Variants in MMP16 observed in about 807,000 individuals in gnomAD.
MMP16 encodes matrix metallopeptidase 16, also known as matrix metalloproteinase-16.
Under a neutral mutation model 67.8 loss-of-function variants are expected in MMP16, and 12 were observed. That is an observed-to-expected ratio of 0.18 (90% CI 0.11 to 0.29). The LOEUF (loss-of-function observed/expected upper bound fraction) is 0.29. MMP16 is among the 10% of genes least tolerant of loss of function. The probability of loss-of-function intolerance (pLI) is 1.00; values close to 1 mark genes in which losing one functional copy is unlikely to be tolerated. For missense variants in MMP16, 475 were observed against 765.7 expected (o/e 0.62, Z 4.48); for synonymous variants, 249 against 255.9 (o/e 0.97, Z 0.26).
At chr8:88,309,590 C>T (rs78895855) in intron 1 of MMP16, among the ~76,000 whole-genome samples, 2,722 of 152,058 alleles carry the variant, frequency 0.018, 83 homozygotes, top group African/African-American at 0.062. Context: ...TTTCGTTACT[C>T]CTAATATGAT....
At chr8:88,156,923 CA>C (rs1326321120) in intron 4 of MMP16, among the ~76,000 whole-genome samples, 2 of 152,056 alleles carry the variant, frequency 1.3e-5, no homozygotes, top group Non-Finnish European at 2.9e-5. Flanking sequence ...TATGATTAAG[CA>C]ACTTACCAAG....
chr8:88,261,031 C>A (rs1810380674), intron 1 of MMP16, among the ~76,000 whole-genome samples: 1 of 152,156 alleles, frequency 6.6e-6, no homozygotes, highest in African/African-American at 2.4e-5. Flanking sequence ...TCATTTCAGG[C>A]AGCCTGCCAA....
At chr8:88,211,610 G>C (rs1809513719) in intron 1 of MMP16, among the ~76,000 whole-genome samples, 1 of 152,030 alleles carries the variant, frequency 6.6e-6, no homozygotes, top group Admixed American at 6.6e-5. Context: ...TTAAATCCCT[G>C]AGTTTATAAA....
At chr8:88,309,506 C>T (rs1230886553) in intron 1 of MMP16, among the ~76,000 whole-genome samples, 1 of 151,898 alleles carries the variant, frequency 6.6e-6, no homozygotes, top group East Asian at 1.9e-4. Context: ...AAAAGAAAAT[C>T]TTTCTTTAAA....
intron 3 of MMP16, among the ~76,000 whole-genome samples, chr8:88,168,653 T>C (rs1260311284): frequency 5.3e-5 from 8 of 152,192 alleles, no homozygotes; most frequent in Admixed American, 4.6e-4. Flanking sequence ...AATATTGTAC[T>C]TGATTCATTT....
intron 4 of MMP16, among the ~76,000 whole-genome samples, chr8:88,133,238 A>C (rs1274879323): frequency 6.6e-6 from 1 of 151,904 alleles, no homozygotes; most frequent in Non-Finnish European, 1.5e-5. Context: ...TTAAGAAAAA[A>C]AATACAAGCT....
chr8:88,322,627 G>C (rs1052053984), intron 1 of MMP16, among the ~76,000 whole-genome samples: 1 of 151,536 alleles, frequency 6.6e-6, no homozygotes, highest in African/African-American at 2.4e-5. Flanking sequence ...TCAGGAGTTT[G>C]AGACCAGCCT....
intron 7 of MMP16, among the ~76,000 whole-genome samples, chr8:88,072,796 G>T (rs1313290773): frequency 6.6e-6 from 1 of 152,164 alleles, no homozygotes; most frequent in East Asian, 1.9e-4. Context: ...CTATTTGAAT[G>T]CTGTGGGTAA....
intron 1 of MMP16, among the ~76,000 whole-genome samples, chr8:88,280,182 G>C (rs1329246994): frequency 6.6e-6 from 1 of 152,148 alleles, no homozygotes; most frequent in African/African-American, 2.4e-5. Flanking sequence ...GGTCTGCTTT[G>C]TATTTTCTTT....
intron 6 of MMP16, among the ~76,000 whole-genome samples, chr8:88,109,988 T>C (rs965520019): frequency 6.6e-6 from 1 of 151,214 alleles, no homozygotes; most frequent in Non-Finnish European, 1.5e-5. Flanking sequence ...ATAAAATATA[T>C]CCTAAATTCC....
At chr8:88,303,547 T>C (rs1252468244) in intron 1 of MMP16, among the ~76,000 whole-genome samples, 1 of 152,132 alleles carries the variant, frequency 6.6e-6, no homozygotes, top group Admixed American at 6.5e-5. Context: ...ACACCTCCTA[T>C]AGGTGCAGTT....
chr8:88,207,017 C>CA (rs1563562214), intron 1 of MMP16, among the ~76,000 whole-genome samples: 1 of 151,938 alleles, frequency 6.6e-6, no homozygotes, highest in African/African-American at 2.4e-5. Flanking sequence ...AAAGCTTCAA[C>CA]AATTTGAAAA....
At chr8:88,192,137 T>C (rs1466488318) in intron 2 of MMP16, among the ~76,000 whole-genome samples, 1 of 152,152 alleles carries the variant, frequency 6.6e-6, no homozygotes, top group African/African-American at 2.4e-5. Context: ...AATATACTTA[T>C]TTTAATTACT....
chr8:88,067,417 G>A (rs1169618171), intron 7 of MMP16, among the ~76,000 whole-genome samples: 1 of 151,914 alleles, frequency 6.6e-6, no homozygotes, highest in Non-Finnish European at 1.5e-5. Flanking sequence ...ACTTAGTAAA[G>A]CTTCTTGTTA....
chr8:88,122,692 TG>T (rs1474275502), intron 4 of MMP16, among the ~76,000 whole-genome samples: 1 of 151,758 alleles, frequency 6.6e-6, no homozygotes, highest in Non-Finnish European at 1.5e-5. Flanking sequence ...TGTGTACAGT[TG>T]GTTTCTCTAG....
At chr8:88,309,111 T>C (rs1018982673) in intron 1 of MMP16, among the ~76,000 whole-genome samples, 4 of 152,072 alleles carry the variant, frequency 2.6e-5, no homozygotes, top group East Asian at 1.9e-4. Context: ...TAAATAAATA[T>C]AGCCCTTAAC....
At chr8:88,120,962 T>C (rs1807820065) in intron 4 of MMP16, among the ~76,000 whole-genome samples, 1 of 152,048 alleles carries the variant, frequency 6.6e-6, no homozygotes, top group South Asian at 2.1e-4. Flanking sequence ...GTCTTACTCT[T>C]ATGCAGATAA....
chr8:88,112,562 T>C (rs1586157626), intron 6 of MMP16, among the ~76,000 whole-genome samples: 1 of 151,760 alleles, frequency 6.6e-6, no homozygotes, highest in East Asian at 1.9e-4. Context: ...TTCTCTCTTC[T>C]TTGGCATTTT....
Position 88,065,703 on chromosome 8 carries a change from C to G in MMP16, c.1222+8902G>C, listed in dbSNP as rs190336450. Among the ~76,000 whole-genome samples, 11 of 152,038 alleles carry G rather than the reference C, an allele frequency of 7.2e-5. No individual in the cohort carries two copies. The East Asian group carries it at 2.1e-3, about 29-fold the overall frequency. ...TCTTTTACGTTACCTATTTATTGTA[C>G]TATGTAAGAAACAATGTATTTCGAC... On this transcript the variant is annotated intron_variant, in intron 7 of 9. Transcript: ENST00000286614.
Sources: allele counts gnomAD v4.1 joint callset (sites outside exome capture counted in the v4.1 genomes callset), GRCh38; gene constraint gnomAD v4.1.1; transcripts MANE v1.5; gene names NCBI Gene and HGNC (gene_info 2026-07-23, HGNC 2026-07-21).